Variants in MAPKAP1 observed in about 807,000 individuals in gnomAD.
MAPKAP1 encodes the protein MAPK associated protein 1, also known as target of rapamycin complex 2 subunit MAPKAP1.
A neutral mutation model predicts 65.7 loss-of-function variants in MAPKAP1; 20 were observed. That is an observed-to-expected ratio of 0.30 (90% CI 0.21 to 0.44). MAPKAP1 has a LOEUF of 0.44. MAPKAP1 is among the 20% of genes least tolerant of loss of function. The pLI is 1.00. For synonymous variants in MAPKAP1, 222 were observed against 244.3 expected, an observed-to-expected ratio of 0.91 and a Z score of 0.85; for missense variants, 423 against 648.0, an observed-to-expected ratio of 0.65 and a Z score of 3.77.
Position 125,545,162 on chromosome 9 carries a change from T to C in MAPKAP1, c.849-1994A>G, listed in dbSNP as rs542006642. Among the ~76,000 whole-genome samples the C allele has an allele frequency of 3.3e-5, 5 of 152,308 alleles. No homozygotes were observed. In the South Asian group the frequency reaches 6.2e-4, roughly 19 times the overall value. ...GCCTGAGTCCCGGCCATTCTTTACCTCAGAAGCTGGACCGCATCCCAGAAC... is the reference window on the plus strand; with the variant it reads ...GCCTGAGTCCCGGCCATTCTTTACCCCAGAAGCTGGACCGCATCCCAGAAC... On this transcript the variant is annotated intron_variant, in intron 6 of 11. Coordinates refer to ENST00000265960, the MANE Select transcript of MAPKAP1 (RefSeq NM_001006617.3).
At chr9:125,689,446 A>AC (rs1835094768) in intron 1 of MAPKAP1, among the ~76,000 whole-genome samples, 1 of 140,634 alleles carries the variant, frequency 7.1e-6, no homozygotes, top group South Asian at 2.3e-4. Flanking sequence ...GAAAAAAAAA[A>AC]AAAAAAAAAA....
chr9:125,546,634 G>T lies in MAPKAP1; in HGVS notation c.849-3466C>A, dbSNP rs115570274. ...TTATGGGCTTTCTAAAAAGTCTACT[G>T]AAATACATCTTTTAAAGCCTTTACT... On this transcript the variant is annotated intron_variant, in intron 6 of 11. Transcript: ENST00000265960. Among the ~76,000 whole-genome samples the T allele has an allele frequency of 4.9e-3, 748 of 152,208 alleles. 4 individuals carry two copies. Among genetic ancestry groups the T allele is most frequent in the African/African-American group, 0.017 (707 of 41,544 alleles).
chr9:125,643,921 T>A (rs1044430494), intron 4 of MAPKAP1, among the ~76,000 whole-genome samples: 3 of 152,236 alleles, frequency 2.0e-5, no homozygotes, highest in Admixed American at 6.5e-5. Context: ...TTTTGCTTCA[T>A]CTTAAAATTT....
At chr9:125,693,674 C>T (rs958741870) in intron 1 of MAPKAP1, among the ~76,000 whole-genome samples, 1 of 131,370 alleles carries the variant, frequency 7.6e-6, no homozygotes, top group African/African-American at 2.7e-5. Flanking sequence ...CACATATACA[C>T]GTATATATAC....
rs117609438 is a variant in MAPKAP1 at position 125,647,283 on chromosome 9, T to C, written c.498+10368A>G. Reference sequence around the variant, plus strand: ...AAATACTAATAAAACACAGCTCTTATGATACTGCCATGTAGTTGCAAGCCT... The same window carrying C: ...AAATACTAATAAAACACAGCTCTTACGATACTGCCATGTAGTTGCAAGCCT... On this transcript the variant is annotated intron_variant, in intron 4 of 11. Coordinates refer to ENST00000265960, the MANE Select transcript of MAPKAP1 (RefSeq NM_001006617.3). Among the ~76,000 whole-genome samples the C allele has an allele frequency of 4.6e-3, 703 of 152,364 alleles. 1 individual carries two copies. The highest frequency in any genetic ancestry group is 7.9e-3 in the Non-Finnish European group (535 of 68,032).
chr9:125,544,093 C>T (rs535822542), intron 6 of MAPKAP1, among the ~76,000 whole-genome samples: 1 of 152,128 alleles, frequency 6.6e-6, no homozygotes, highest in Non-Finnish European at 1.5e-5. Flanking sequence ...TCACTGCAAC[C>T]TCTGCTGCCC....
chr9:125,462,520 G>T (rs1189519146), intron 10 of MAPKAP1, among the ~76,000 whole-genome samples: 1 of 152,222 alleles, frequency 6.6e-6, no homozygotes, highest in Non-Finnish European at 1.5e-5. Context: ...GTGGGATGCA[G>T]AGGTGAGATT....
intron 4 of MAPKAP1, among the ~76,000 whole-genome samples, chr9:125,589,340 C>CA (rs1831883912): frequency 3.3e-5 from 5 of 152,280 alleles, no homozygotes; most frequent in Non-Finnish European, 5.9e-5. Context: ...TTCCTCTGAA[C>CA]TTCCTTGAGA....
intron 1 of MAPKAP1, among the ~76,000 whole-genome samples, chr9:125,684,396 A>G (rs2131830305): frequency 6.6e-6 from 1 of 152,332 alleles, no homozygotes; most frequent in African/African-American, 2.4e-5. Flanking sequence ...AGCATCCACA[A>G]CAAAAAATTA....
At chr9:125,689,436 GAAAAA>G (rs911746619) in intron 1 of MAPKAP1, among the ~76,000 whole-genome samples, 2 of 15,264 alleles carry the variant, frequency 1.3e-4, no homozygotes, top group Non-Finnish European at 2.8e-4. Flanking sequence ...CTCCATCTCG[GAAAAA>G]AAAAAAAAAA....
rs1314591726 is a variant in MAPKAP1 at position 125,668,175 on chromosome 9, T to C, written c.349+1643A>G. 3.9e-5 allele frequency among the ~76,000 whole-genome samples: 6 copies of C among 152,358 alleles called. 1 individual carries two copies. The South Asian group carries it at 1.0e-3, about 26-fold the overall frequency. ...TAGTATGAGAAATCAAGAAGCACTTTACAGAGTGATTTAGCGCAGAGAGAC... is the reference window on the plus strand; with the variant it reads ...TAGTATGAGAAATCAAGAAGCACTTCACAGAGTGATTTAGCGCAGAGAGAC... On this transcript the variant is annotated intron_variant, in intron 3 of 11. Coordinates refer to ENST00000265960, the MANE Select transcript of MAPKAP1 (RefSeq NM_001006617.3).
intron 1 of MAPKAP1, among the ~76,000 whole-genome samples, chr9:125,697,638 G>A (rs1293136546): frequency 2.0e-5 from 3 of 152,114 alleles, no homozygotes; most frequent in Non-Finnish European, 2.9e-5. Flanking sequence ...TACTGCTGCA[G>A]TGAACATCTT....
At chr9:125,519,652 T>TTTTATATATATATATA (rs1554815771) in intron 7 of MAPKAP1, among the ~76,000 whole-genome samples, 1 of 141,716 alleles carries the variant, frequency 7.1e-6, no homozygotes, top group Admixed American at 7.4e-5. Flanking sequence ...TATATGTCTT[T>TTTTATATATATATATA]TATATATATA....
At chr9:125,686,018 A>AT (rs1834963214) in intron 1 of MAPKAP1, among the ~76,000 whole-genome samples, 2 of 152,228 alleles carry the variant, frequency 1.3e-5, no homozygotes, top group African/African-American at 4.8e-5. Context: ...GGGTAACCAC[A>AT]TATCAATTAA....
At chr9:125,542,263 T>C (rs1420766934) in intron 7 of MAPKAP1, among the ~76,000 whole-genome samples, 2 of 152,218 alleles carry the variant, frequency 1.3e-5, no homozygotes, top group Non-Finnish European at 2.9e-5. Flanking sequence ...GAACAGATTA[T>C]ATGCCTCCCC....
chr9:125,677,160 C>T (rs937348288), intron 1 of MAPKAP1, among the ~76,000 whole-genome samples: 1 of 152,126 alleles, frequency 6.6e-6, no homozygotes, highest in African/African-American at 2.4e-5. Flanking sequence ...GTCTTTTGGC[C>T]GGGTGCAGTG....
intron 10 of MAPKAP1, among the ~76,000 whole-genome samples, chr9:125,459,970 C>T (rs1004513599): frequency 6.6e-6 from 1 of 152,126 alleles, no homozygotes; most frequent in Admixed American, 6.5e-5. Context: ...AAAATCTAAG[C>T]TCTCCATTTA....
intron 7 of MAPKAP1, among the ~76,000 whole-genome samples, chr9:125,539,708 T>C (rs906624617): frequency 1.3e-5 from 2 of 152,254 alleles, no homozygotes; most frequent in African/African-American, 4.8e-5. Context: ...CTCTTTACTA[T>C]GTCAAAAACA....
At chr9:125,559,850 G>A in intron 5 of MAPKAP1, 41 bp from the exon 6 acceptor site, 1 of 1,579,024 alleles carries the variant, frequency 6.3e-7, no homozygotes, top group East Asian at 2.3e-5. Context: ...ACCAAGGTAG[G>A]GAAGGGACAA....
Sources: allele counts gnomAD v4.1 joint callset (sites outside exome capture counted in the v4.1 genomes callset), GRCh38; gene constraint gnomAD v4.1.1; transcripts MANE v1.5; gene names NCBI Gene and HGNC (gene_info 2026-07-23, HGNC 2026-07-21).